Variants in ANKRD27 observed in about 807,000 individuals in gnomAD.
The protein encoded by ANKRD27 is ankyrin repeat domain 27, also known as ankyrin repeat domain-containing protein 27.
A neutral mutation model predicts 129.7 loss-of-function variants in ANKRD27; 112 were observed. That is an observed-to-expected ratio of 0.86 (90% CI 0.74 to 1.01). The LOEUF (loss-of-function observed/expected upper bound fraction) is 1.01, where lower values mean the gene tolerates loss of function less well. Among genes scored for constraint, ANKRD27 ranks in the 50% least tolerant of loss-of-function variants. The pLI is 0.00. For missense variants in ANKRD27, 1,258 were observed against 1,300.5 expected (o/e 0.97, Z 0.50); for synonymous variants, 516 against 511.2 (o/e 1.01, Z -0.13).
rs755145490 is a variant in ANKRD27, at chr19:32,656,320, G to A, written c.102+2594C>T. On this transcript the variant is annotated intron_variant, in intron 2 of 28. Coordinates refer to ENST00000306065, the MANE Select transcript of ANKRD27 (RefSeq NM_032139.3). ...ACAGTAGTTTAAAATATCATACAAC[G>A]AAGACAGGAAGAGAGGAAATATTCC... Among the ~76,000 whole-genome samples the A allele has an allele frequency of 9.9e-5, 15 of 152,238 alleles. 1 individual carries two copies. Among genetic ancestry groups the A allele is most frequent in the Admixed American group, 5.9e-4 (9 of 15,280 alleles).
At chr19:32,601,849 T>C (rs1041010084) in intron 26 of ANKRD27, among the ~76,000 whole-genome samples, 166 bp downstream of exon 26, 8 of 152,260 alleles carry the variant, frequency 5.3e-5, no homozygotes, top group African/African-American at 1.4e-4. Context: ...AGCTTACCCA[T>C]AGTCTGATAA....
intron 2 of ANKRD27, among the ~76,000 whole-genome samples, chr19:32,658,612 G>A (rs1006269890): frequency 6.6e-6 from 1 of 152,210 alleles, no homozygotes; most frequent in Non-Finnish European, 1.5e-5. Flanking sequence ...AGGCAAGAGA[G>A]AAACGAGAGC....
At position 32,626,730 on chromosome 19, in the gene ANKRD27, C is replaced by T. The variant is rs1332791007; in HGVS notation, c.1518G>A (p.Lys506=). The change falls in exon 16 of 29, where the codon AAG becomes AAA. Residue 506 remains lysine, a synonymous_variant. Transcript: ENST00000306065. ...TGCTCACCGTCACGCTCTGGTAGCC[C>T]TTCTGACAGGCCAGGTGGAGCGGAG... is the stretch of plus-strand genomic sequence containing the variant. The part of the protein sequence containing the change: ...GATPLHLACQ[K]GYQSVTLLLL... 1 of 1,609,348 alleles carries T rather than the reference C, an allele frequency of 6.2e-7. No individual in the cohort carries two copies. The highest frequency in any genetic ancestry group is 1.3e-5 in the African/African-American group (1 of 74,790).
chr19:32,598,079 C>T lies in ANKRD27; in HGVS notation c.*66G>A. On this transcript the variant is annotated 3_prime_UTR_variant, in exon 29 of 29. Coordinates refer to ENST00000306065, the MANE Select transcript of ANKRD27 (RefSeq NM_032139.3). The stretch of plus-strand genomic sequence containing the variant: ...AGCACATTTAGTTCTCAGATGTGTT[C>T]ACGCTCAGCATCATCTTGTTGCATC... The T allele has an allele frequency of 6.9e-7, 1 of 1,444,954 alleles. No individual in the cohort carries two copies. Among genetic ancestry groups the T allele is most frequent in the Non-Finnish European group, 9.7e-7 (1 of 1,029,910 alleles). The allele number at this position is 1,444,954 out of a possible 1,614,324, so 89.5% of individuals were successfully genotyped here. A position where few individuals can be genotyped will look rare whatever the true frequency, so the allele number is the denominator to read the frequency against.
At chr19:32,615,840 T>C in intron 21 of ANKRD27, 60 bp from the exon 22 acceptor site, 1 of 1,574,086 alleles carries the variant, frequency 6.4e-7, no homozygotes, top group Non-Finnish European at 8.6e-7. Flanking sequence ...ATGCACAATA[T>C]CTTAAACACA....
At chr19:32,622,136 G>A (rs62124303) in intron 18 of ANKRD27, among the ~76,000 whole-genome samples, 84,764 of 151,922 alleles carry the variant, frequency 0.56, 24,266 homozygotes, top group Non-Finnish European at 0.64. Context: ...GCGGAGCCTC[G>A]TTTCTACCCA....
chr19:32,664,055 C>CAA (rs869264224), intron 1 of ANKRD27, among the ~76,000 whole-genome samples: 3,507 of 30,878 alleles, frequency 0.11, 193 homozygotes, highest in African/African-American at 0.17. Flanking sequence ...GACTCTGTCT[C>CAA]AAAAAAAAAA....
intron 1 of ANKRD27, among the ~76,000 whole-genome samples, chr19:32,671,650 G>C (rs926104247): frequency 6.6e-6 from 1 of 152,134 alleles, no homozygotes; most frequent in Non-Finnish European, 1.5e-5. Flanking sequence ...AGCCGAGATC[G>C]GGCCACTGCA....
rs1971773449 is a variant in ANKRD27, at chr19:32,607,961, T to G, written c.2176-129A>C. ...GGATCATGGCGGGATCCAGGATGGA[T>G]TCCAATTTGTTTAGAAGTATGTGGC... On this transcript the variant is annotated intron_variant, in intron 22 of 28. Transcript: ENST00000306065. The G allele has an allele frequency of 4.1e-6, 4 of 982,484 alleles. No homozygotes were observed. In the East Asian group the frequency reaches 1.0e-4, roughly 26 times the overall value. 60.9% of individuals were successfully genotyped at this position (982,484 alleles called of 1,614,324 possible). A position where few individuals can be genotyped will look rare whatever the true frequency, so the allele number is the denominator to read the frequency against.
intron 22 of ANKRD27, among the ~76,000 whole-genome samples, chr19:32,609,933 T>C (rs1183620875): frequency 6.6e-6 from 1 of 152,054 alleles, no homozygotes; most frequent in Non-Finnish European, 1.5e-5. Flanking sequence ...CTCAGCACTT[T>C]GGGAGGCTGA....
Position 32,646,549 on chromosome 19 carries a change from TG to T in ANKRD27, c.279del (p.Ile94PhefsTer20). The T allele has an allele frequency of 5.0e-6, 8 of 1,614,136 alleles. No homozygotes were observed. Among genetic ancestry groups the T allele is most frequent in the Non-Finnish European group, 6.8e-6 (8 of 1,180,014 alleles). ...GAGFACLLSV[P>X]ILFEETFYNE... ...TTGTAGAAAGTTTCTTCAAAGAGAA[TG>T]GGCACTGAGAGAAGACAGGCAAAAC... On this transcript the variant is annotated frameshift_variant, in exon 4 of 29. Transcript: ENST00000306065. LOFTEE classifies it high-confidence loss of function.
intron 2 of ANKRD27, among the ~76,000 whole-genome samples, chr19:32,654,275 C>G (rs1481887865): frequency 6.6e-6 from 1 of 152,118 alleles, no homozygotes; most frequent in Non-Finnish European, 1.5e-5. Context: ...GACTCAAGGG[C>G]AGTCAAACTT....
At chr19:32,640,461 C>T (rs1047452873) in intron 10 of ANKRD27, 76 bp from the exon 11 acceptor site, 70 of 1,252,054 alleles carry the variant, frequency 5.6e-5, no homozygotes, top group African/African-American at 2.5e-4. Context: ...TCCCTACCAC[C>T]GCACACCTTG....
intron 12 of ANKRD27, 165 bp downstream of exon 12, chr19:32,639,191 G>A (rs1165302772): frequency 3.9e-6 from 3 of 759,726 alleles, no homozygotes; most frequent in Non-Finnish European, 6.2e-6. Flanking sequence ...AGGGCTTGGT[G>A]TTCTCTTCAC....
chr19:32,603,713 A>AT (rs11394633), intron 25 of ANKRD27, among the ~76,000 whole-genome samples: 29,255 of 151,736 alleles, frequency 0.19, 3,525 homozygotes, highest in East Asian at 0.33. Context: ...TGATTTTTTG[A>AT]TTTTTTGTAG....
chr19:32,598,117 C>T lies in ANKRD27; in HGVS notation c.*28G>A. 10 of 1,591,558 alleles carry T rather than the reference C, an allele frequency of 6.3e-6. No individual in the cohort carries two copies. The highest frequency in any genetic ancestry group is 8.6e-6 in the Non-Finnish European group (10 of 1,159,852). Reference sequence around the variant, plus strand: ...ATCTTGTTGCATCCTTGCTTCCTAGCAGTGGGTTCAACAACTCCTCATTCC... The same window carrying T: ...ATCTTGTTGCATCCTTGCTTCCTAGTAGTGGGTTCAACAACTCCTCATTCC... On this transcript the variant is annotated 3_prime_UTR_variant, in exon 29 of 29. Transcript: ENST00000306065.
At chr19:32,610,665 A>G (rs6510267) in intron 22 of ANKRD27, among the ~76,000 whole-genome samples, 88,557 of 151,076 alleles carry the variant, frequency 0.59, 26,955 homozygotes, top group Non-Finnish European at 0.69. Flanking sequence ...GGCGGCATGC[A>G]CCTGTAGTCC....
At chr19:32,617,280 A>C (rs1971934716) in intron 21 of ANKRD27, among the ~76,000 whole-genome samples, 2 of 152,166 alleles carry the variant, frequency 1.3e-5, no homozygotes, top group South Asian at 2.1e-4. Context: ...AGGGTGGCTC[A>C]CACCTGTAAT....
At chr19:32,667,764 G>A (rs369036768) in intron 1 of ANKRD27, among the ~76,000 whole-genome samples, 1 of 151,312 alleles carries the variant, frequency 6.6e-6, no homozygotes, top group East Asian at 2.0e-4. Flanking sequence ...TCCAGGAGAT[G>A]GAGGTTGCAG....
Sources: gnomAD v4.1 joint callset for allele counts (sites outside exome capture counted in the v4.1 genomes callset) on GRCh38, gnomAD v4.1.1 for gene constraint, MANE v1.5 for transcripts, NCBI Gene and HGNC (gene_info 2026-07-23, HGNC 2026-07-21) for gene names.